FKRP: variants seen among roughly 807,000 people sequenced by gnomAD.
FKRP encodes fukutin related protein, also known as ribitol 5-phosphate transferase FKRP.
A neutral mutation model predicts 30.6 loss-of-function variants in FKRP; 25 were observed. The ratio of observed to expected loss-of-function variants is 0.82; its 90% CI spans 0.60 to 1.14. FKRP has a LOEUF of 1.14. Among genes scored for constraint, FKRP ranks in the 50% most tolerant of loss-of-function variants. The pLI, the probability that FKRP is intolerant of heterozygous loss-of-function variation, is 0.00. For missense variants in FKRP, 771 were observed against 727.8 expected (o/e 1.06, Z -0.68); for synonymous variants, 358 against 342.5 (o/e 1.05, Z -0.50).
intron 2 of FKRP, 63 bp downstream of exon 2, chr19:46,748,151 C>T (rs186004898): frequency 6.6e-6 from 1 of 152,338 alleles, no homozygotes; most frequent in East Asian, 1.9e-4. Flanking sequence ...TTCCTTAAGG[C>T]TTTCCCATGT....
At chr19:46,752,535 A>C (rs1477241013) in intron 3 of FKRP, among the ~76,000 whole-genome samples, 3 of 152,174 alleles carry the variant, frequency 2.0e-5, no homozygotes, top group Non-Finnish European at 4.4e-5. Context: ...GGAAGGAAGA[A>C]TCAATCTAAG....
upstream of FKRP, among the ~76,000 whole-genome samples, chr19:46,744,840 G>A (rs1428878438): frequency 1.3e-5 from 2 of 151,836 alleles, no homozygotes; most frequent in Non-Finnish European, 2.9e-5. Flanking sequence ...GACTTCCAGC[G>A]GGCCATTCCT....
rs2054962923 is a variant in FKRP at position 46,758,041 on chromosome 19, T to G, written c.*1103T>G. 1 of 167,216 alleles carries G rather than the reference T, an allele frequency of 6.0e-6. No homozygotes were observed. Among genetic ancestry groups the G allele is most frequent in the South Asian group, 2.1e-4 (1 of 4,838 alleles). 10.4% of individuals were successfully genotyped at this position (167,216 alleles called of 1,614,324 possible). A position where few individuals can be genotyped will look rare whatever the true frequency, so the allele number is the denominator to read the frequency against. On this transcript the variant is annotated 3_prime_UTR_variant, in exon 4 of 4. Transcript: ENST00000318584. ...GACAATAACCATAGCTCACACTCAC[T>G]GAGCACCTACTGGGTACCAGGCACC...
Position 46,755,551 on chromosome 19 carries a change from C to G in FKRP, c.101C>G (p.Ser34Cys), listed in dbSNP as rs1453156955. The part of the protein sequence containing the change: ...VSWLQHQPRN[S>C]RARGPRRASA... ...TGGCTGCAGCACCAGCCTAGGAATT[C>G]CCGGGCCCGGGGGCCCCGTCGTGCC... The change falls in exon 4 of 4, where the codon TCC becomes TGC. Residue 34 changes from serine to cysteine, a missense_variant. Ser to Cys is a moderately radical substitution (Grantham distance 112). Transcript: ENST00000318584. 1 of 1,607,158 alleles carries G rather than the reference C, an allele frequency of 6.2e-7. No homozygotes were observed.
intron 3 of FKRP, among the ~76,000 whole-genome samples, chr19:46,749,723 C>CAAA (rs1175374378): frequency 3.2e-5 from 2 of 62,454 alleles, no homozygotes; most frequent in African/African-American, 5.5e-5. Flanking sequence ...GACTCCGTCT[C>CAAA]AAAAAAAAAA....
chr19:46,749,254 G>C (rs2054736659), intron 3 of FKRP, among the ~76,000 whole-genome samples: 1 of 152,100 alleles, frequency 6.6e-6, no homozygotes, highest in African/African-American at 2.4e-5. Context: ...GAGAGTTGGG[G>C]CTTCAGAAAG....
At chr19:46,746,345 G>A (rs2054614538) in intron 1 of FKRP, 6 of 1,269,030 alleles carry the variant, frequency 4.7e-6, no homozygotes, top group Non-Finnish European at 5.9e-6. Flanking sequence ...GGCCGCCCCA[G>A]TGGGGCCAGG....
chr19:46,755,104 T>C (rs186747184), intron 3 of FKRP, among the ~76,000 whole-genome samples: 43 of 151,604 alleles, frequency 2.8e-4, no homozygotes, highest in African/African-American at 1.0e-3. Flanking sequence ...TCTGTACTTA[T>C]CAAACAACTC....
rs1009249583 is a variant in FKRP, at chr19:46,754,800, T to C, written c.-39-612T>C. ...TTTGTATTTTTAGTAGAGATGGGGT[T>C]TCACCGTGTTGGCCAGGCTGGTCTC... is the stretch of plus-strand genomic sequence containing the variant. On this transcript the variant is annotated intron_variant, in intron 3 of 3. Coordinates refer to ENST00000318584, the MANE Select transcript of FKRP (RefSeq NM_024301.5). Among the ~76,000 whole-genome samples the C allele has an allele frequency of 2.9e-3, 431 of 151,074 alleles. 1 individual carries two copies. Among genetic ancestry groups the C allele is most frequent in the African/African-American group, 0.01 (411 of 40,476 alleles).
rs5828285 is a variant in FKRP, at chr19:46,755,190, TAA to T, written c.-39-206_-39-205del. 1.5e-3 allele frequency among the ~76,000 whole-genome samples: 211 copies of T among 144,210 alleles called. No homozygotes were observed. Among genetic ancestry groups the T allele is most frequent in the Admixed American group, 1.8e-3 (26 of 14,376 alleles). 94.6% of individuals were successfully genotyped at this position (144,210 alleles called of 152,430 possible). A position where few individuals can be genotyped will look rare whatever the true frequency, so the allele number is the denominator to read the frequency against. On this transcript the variant is annotated intron_variant, in intron 3 of 3. Coordinates refer to ENST00000318584, the MANE Select transcript of FKRP (RefSeq NM_024301.5). ...TTCTATTAGTTTGACTCACTCTGTT[TAA>T]AAAAAAAAAAAAAAATTCTGAGGAC... is the stretch of plus-strand genomic sequence containing the variant.
At chr19:46,746,519 A>G in intron 1 of FKRP, 1 of 511,502 alleles carries the variant, frequency 2.0e-6, no homozygotes, top group Non-Finnish European at 2.4e-6. Flanking sequence ...CGCCGCAACC[A>G]CCGCGCGCGC....
Position 46,748,017 on chromosome 19 carries a change from C to T in FKRP, c.-252-10C>T, listed in dbSNP as rs1347979661. On this transcript the variant is annotated splice_polypyrimidine_tract_variant and intron_variant, in intron 1 of 3. Coordinates refer to ENST00000318584, the MANE Select transcript of FKRP (RefSeq NM_024301.5). ...GCTGATTTGGGATTTTCTGGTTCTC[C>T]TCCTCTCAGGAGCGCAGCTCAGCTG... 6.6e-6 allele frequency: 1 copy of T among 152,190 alleles called. No homozygotes were observed. Among genetic ancestry groups the T allele is most frequent in the African/African-American group, 2.4e-5 (1 of 41,422 alleles). 9.4% of individuals were successfully genotyped at this position (152,190 alleles called of 1,614,324 possible). A position where few individuals can be genotyped will look rare whatever the true frequency, so the allele number is the denominator to read the frequency against.
Position 46,755,666 on chromosome 19 carries a change from G to A in FKRP, c.216G>A (p.Gln72=). ...CCGAGCTGGTAGACTCCTTCCTGCA[G>A]CAAGACCCAGCCCAGCCCGTGGTGG... The part of the protein sequence containing the change: ...AVPELVDSFL[Q]QDPAQPVVVA... The change falls in exon 4 of 4, where the codon CAG becomes CAA. Residue 72 remains glutamine (Q), a synonymous_variant. Transcript: ENST00000318584. 1 of 1,594,738 alleles carries A rather than the reference G, an allele frequency of 6.3e-7. No homozygotes were observed. Among genetic ancestry groups the A allele is most frequent in the Non-Finnish European group, 8.5e-7 (1 of 1,176,768 alleles).
Position 46,755,826 on chromosome 19 carries a change from G to A in FKRP, c.376G>A (p.Val126Met), listed in dbSNP as rs1161257272. ...RPETYVATEF[V>M]ALVPDGARAE... ...GGAGACCTACGTGGCCACCGAGTTT[G>A]TGGCCCTAGTACCTGATGGGGCGCG... is the stretch of plus-strand genomic sequence containing the variant. The change falls in exon 4 of 4, where the codon GTG becomes ATG. Residue 126 changes from valine to methionine, a missense_variant. Physicochemically the swap from Val to Met is conservative, Grantham distance 21. Coordinates refer to ENST00000318584, the MANE Select transcript of FKRP (RefSeq NM_024301.5). 6.6e-7 allele frequency: 1 copy of A among 1,509,720 alleles called. No individual in the cohort carries two copies. The highest frequency in any genetic ancestry group is 1.2e-5 in the South Asian group (1 of 80,190). 93.5% of individuals were successfully genotyped at this position (1,509,720 alleles called of 1,614,324 possible).
At chr19:46,746,469 G>A in intron 1 of FKRP, 1 of 972,716 alleles carries the variant, frequency 1.0e-6, no homozygotes, top group Non-Finnish European at 1.2e-6. Context: ...GCTGTGCCTC[G>A]CGCGCCTGCG....
intron 3 of FKRP, among the ~76,000 whole-genome samples, chr19:46,751,724 C>A (rs2054797051): frequency 6.6e-6 from 1 of 152,022 alleles, no homozygotes; most frequent in Admixed American, 6.6e-5. Flanking sequence ...CGCCACCGCG[C>A]CTGGCTAATT....
intron 3 of FKRP, among the ~76,000 whole-genome samples, chr19:46,751,757 G>C (rs1011762923): frequency 6.6e-6 from 1 of 151,662 alleles, no homozygotes; most frequent in Non-Finnish European, 1.5e-5. Flanking sequence ...AGTAGAGATG[G>C]GGTTTCACCA....
At chr19:46,746,041 C>A (rs1249769251), upstream of FKRP, 21 of 1,184,156 alleles carry the variant, frequency 1.8e-5, no homozygotes, top group Non-Finnish European at 2.3e-5. Flanking sequence ...GCCCCCCCGC[C>A]GGCCGTCCCG....
Position 46,756,426 on chromosome 19 carries a change from G to T in FKRP, c.976G>T (p.Ala326Ser), listed in dbSNP as rs1201873802. ...PCCLRALRET[A>S]RYVVGVLEAA... ...CTGCCTGCGCGCGCTGCGCGAGACC[G>T]CCCGCTATGTGGTGGGCGTGCTGGA... The change falls in exon 4 of 4, where the codon GCC (alanine) becomes TCC (serine). Residue 326 changes from alanine to serine, a missense_variant. Ala to Ser is a moderately conservative substitution (Grantham distance 99, BLOSUM62 1). Coordinates refer to ENST00000318584, the MANE Select transcript of FKRP (RefSeq NM_024301.5). The surrounding 1 kb of genome is among the most constrained non-coding windows in gnomAD (Gnocchi z 6.6). 1 of 1,581,712 alleles carries T rather than the reference G, an allele frequency of 6.3e-7. No individual in the cohort carries two copies. The highest frequency in any genetic ancestry group is 8.6e-7 in the Non-Finnish European group (1 of 1,164,408).
Sources: gnomAD v4.1 joint callset for allele counts (sites outside exome capture counted in the v4.1 genomes callset) on GRCh38, gnomAD v4.1.1 for gene constraint, Gnocchi (gnomAD v3.1) non-coding constraint, MANE v1.5 for transcripts, NCBI Gene and HGNC (gene_info 2026-07-23, HGNC 2026-07-21) for gene names.